The following VEZT variants were observed in gnomAD, a reference collection of about 807,000 sequenced individuals.
VEZT encodes the protein vezatin, adherens junctions transmembrane protein, also known as vezatin.
VEZT carries 39 observed loss-of-function variants against 79.9 expected under a neutral mutation model. That is an observed-to-expected ratio of 0.49 (90% CI 0.38 to 0.64). The LOEUF (loss-of-function observed/expected upper bound fraction) is 0.64. Among genes scored for constraint, VEZT ranks in the 30% least tolerant of loss-of-function variants. The probability of loss-of-function intolerance (pLI) is 0.00; values close to 1 mark genes in which losing one functional copy is unlikely to be tolerated. For synonymous variants in VEZT, 325 were observed against 327.6 expected, an observed-to-expected ratio of 0.99 and a Z score of 0.09; for missense variants, 837 against 893.1, an observed-to-expected ratio of 0.94 and a Z score of 0.80.
At chr12:95,277,308 A>ATGGC (rs1205957210) in intron 7 of VEZT, among the ~76,000 whole-genome samples, 42 of 152,342 alleles carry the variant, frequency 2.8e-4, no homozygotes, top group African/African-American at 9.1e-4. Context: ...AAATAGAGGA[A>ATGGC]TGGCTGTGTG....
chr12:95,266,664 G>T (rs2065600217), intron 5 of VEZT, 32 bp downstream of exon 5: 2 of 1,532,966 alleles, frequency 1.3e-6, no homozygotes, highest in African/African-American at 1.4e-5. Context: ...TTTCTTAAAT[G>T]ATTATTTTCT....
At chr12:95,267,488 T>A (rs1203996800) in intron 5 of VEZT, among the ~76,000 whole-genome samples, 1 of 152,164 alleles carries the variant, frequency 6.6e-6, no homozygotes, top group African/African-American at 2.4e-5. Context: ...TAGCTCTTAA[T>A]TAGTCGTATC....
In VEZT at chr12:95,282,442, G is replaced by A. The variant is rs760301606; in HGVS notation, c.1126G>A (p.Asp376Asn). ...ACTTCTGCCTCATCGTATCTTATCTGATGTGACTCAAGGTCTACCTCATGC... is the reference window on the plus strand; with the variant it reads ...ACTTCTGCCTCATCGTATCTTATCTAATGTGACTCAAGGTCTACCTCATGC... ...PALLPHRILS[D>N]VTQGLPHAHS... Residue 376 changes from aspartate to asparagine, a missense_variant, in exon 8 of 12, where the codon GAT (aspartate) becomes AAT (asparagine). Coordinates refer to ENST00000436874, the MANE Select transcript of VEZT (RefSeq NM_017599.4). 7 of 1,613,888 alleles carry A rather than the reference G, an allele frequency of 4.3e-6. No homozygotes were observed. The South Asian group carries it at 7.7e-5, about 18-fold the overall frequency.
At chr12:95,235,227 G>A (rs1333147211) in intron 1 of VEZT, among the ~76,000 whole-genome samples, 3 of 151,254 alleles carry the variant, frequency 2.0e-5, no homozygotes, top group Admixed American at 2.0e-4. Flanking sequence ...CTTCCCAGTA[G>A]GGGCGGCCGG....
intron 8 of VEZT, among the ~76,000 whole-genome samples, chr12:95,284,790 C>A (rs945658056): frequency 1.3e-5 from 2 of 152,078 alleles, no homozygotes; most frequent in African/African-American, 4.8e-5. Flanking sequence ...GACTGGTGTA[C>A]TTTCTAGTGA....
intron 3 of VEZT, among the ~76,000 whole-genome samples, chr12:95,261,216 T>G (rs2064417400): frequency 6.6e-6 from 1 of 152,162 alleles, no homozygotes. Flanking sequence ...AAGTCCTCAT[T>G]ATGATCAGCG....
chr12:95,262,782 G>T (rs1301064099), intron 3 of VEZT, 124 bp from the exon 4 acceptor site: 1 of 871,910 alleles, frequency 1.1e-6, no homozygotes, highest in African/African-American at 1.7e-5. Context: ...TTGGACTGTT[G>T]TTTCTTCTTG....
At chr12:95,236,000 T>C (rs1483675946) in intron 1 of VEZT, among the ~76,000 whole-genome samples, 4 of 151,916 alleles carry the variant, frequency 2.6e-5, no homozygotes, top group African/African-American at 9.7e-5. Context: ...GCAGAGACGC[T>C]CCTCACTTCC....
intron 1 of VEZT, among the ~76,000 whole-genome samples, chr12:95,236,506 T>C (rs2060214872): frequency 6.6e-6 from 1 of 151,854 alleles, no homozygotes; most frequent in African/African-American, 2.4e-5. Context: ...ATTGTTTCTG[T>C]AGTCCCCAAG....
chr12:95,261,931 G>T (rs1031254835), intron 3 of VEZT, among the ~76,000 whole-genome samples: 2 of 152,168 alleles, frequency 1.3e-5, no homozygotes, highest in Non-Finnish European at 1.5e-5. Context: ...TGCCCTAACA[G>T]TGCTACCTCA....
rs1303183532 is a variant in VEZT, at chr12:95,296,239, A to G, written c.1812A>G (p.Gln604=). ...AGGCAGAAAGGCAGAAGTGGAAGCA[A>G]CTTCTATTTAGTGATCATGGTAAGC... The part of the protein sequence containing the change: ...ASEAERQKWK[Q]LLFSDHAVLK... Residue 604 remains glutamine, a synonymous_variant, in exon 11 of 12, where the codon CAA becomes CAG. Transcript: ENST00000436874. 11 of 1,583,412 alleles carry G rather than the reference A, an allele frequency of 6.9e-6. No individual in the cohort carries two copies. Among genetic ancestry groups the G allele is most frequent in the Admixed American group, 1.8e-5 (1 of 55,034 alleles).
intron 1 of VEZT, among the ~76,000 whole-genome samples, chr12:95,247,410 A>T (rs775724297): frequency 6.6e-6 from 1 of 152,212 alleles, no homozygotes; most frequent in Non-Finnish European, 1.5e-5. Flanking sequence ...GCAATTTTCT[A>T]TTAAGCCAAA....
At chr12:95,260,368 A>G (rs967035059) in intron 3 of VEZT, among the ~76,000 whole-genome samples, 5 of 152,040 alleles carry the variant, frequency 3.3e-5, no homozygotes, top group African/African-American at 9.7e-5. Context: ...AGCCTCCCAA[A>G]GTGCTGGGAT....
rs1348124994 is a variant in VEZT at position 95,296,076 on chromosome 12, T to C, written c.1649T>C (p.Ile550Thr). The C allele has an allele frequency of 7.1e-6, 11 of 1,554,624 alleles. No homozygotes were observed. Among genetic ancestry groups the C allele is most frequent in the Admixed American group, 2.0e-5 (1 of 51,154 alleles). The part of the protein sequence containing the change: ...EQELEAYVDD[I>T]DIDSDFRKDD... ...GAATTAGAAGCTTATGTAGATGATA[T>C]AGATATTGATAGTGATTTCAGAAAG... Residue 550 changes from isoleucine to threonine, a missense_variant, in exon 11 of 12, where the codon ATA becomes ACA. Coordinates refer to ENST00000436874, the MANE Select transcript of VEZT (RefSeq NM_017599.4).
chr12:95,299,378 G>A (rs1408625393), intron 11 of VEZT: 1 of 152,924 alleles, frequency 6.5e-6, no homozygotes, highest in Non-Finnish European at 1.5e-5. Context: ...ATCAAGAGGG[G>A]CTAAATAAAA....
intron 1 of VEZT, among the ~76,000 whole-genome samples, chr12:95,220,134 A>C (rs1240630584): frequency 6.6e-6 from 1 of 152,206 alleles, no homozygotes; most frequent in Non-Finnish European, 1.5e-5. Flanking sequence ...CATGTTGAGC[A>C]CACCCATGTA....
chr12:95,224,135 A>G (rs755777866), intron 1 of VEZT: 16 of 455,854 alleles, frequency 3.5e-5, no homozygotes, highest in Non-Finnish European at 6.2e-5. Context: ...CCTGATCATT[A>G]TGGACTGCAT....
Position 95,300,390 on chromosome 12 carries a change from C to G in VEZT, c.2057C>G (p.Ala686Gly). 1 of 1,613,884 alleles carries G rather than the reference C, an allele frequency of 6.2e-7. No homozygotes were observed. The highest frequency in any genetic ancestry group is 8.5e-7 in the Non-Finnish European group (1 of 1,179,864). The part of the protein sequence containing the change: ...NSSNEVFPQG[A>G]EERMCYQCES... ...TCAAATGAAGTCTTCCCCCAAGGAGCAGAAGAAAGAATGTGTTACCAATGT... is the reference window on the plus strand; with the variant it reads ...TCAAATGAAGTCTTCCCCCAAGGAGGAGAAGAAAGAATGTGTTACCAATGT... Residue 686 changes from alanine to glycine, a missense_variant, in exon 12 of 12, where the codon GCA becomes GGA. Transcript: ENST00000436874.
rs1593436604 is a variant in VEZT at position 95,252,047 on chromosome 12, G to T, written c.144G>T (p.Lys48Asn). The T allele has an allele frequency of 1.2e-6, 2 of 1,610,804 alleles. No individual in the cohort carries two copies. Among genetic ancestry groups the T allele is most frequent in the Middle Eastern group, 1.7e-4 (1 of 6,048 alleles). Residue 48 changes from lysine to asparagine, a missense_variant, in exon 2 of 12, where the codon AAG becomes AAT. Coordinates refer to ENST00000436874, the MANE Select transcript of VEZT (RefSeq NM_017599.4). ...TEKCTTEGQQ[K>N]PPTRVLPKQG... ...AATGCACAACAGAGGGACAACAAAA[G>T]CCTCCTACAAGAGTCCTACCAAAAG...
Sources: gnomAD v4.1 joint callset for allele counts (sites outside exome capture counted in the v4.1 genomes callset) on GRCh38, gnomAD v4.1.1 for gene constraint, MANE v1.5 for transcripts, NCBI Gene and HGNC (gene_info 2026-07-23, HGNC 2026-07-21) for gene names.